The following LINGO2 variants were observed in gnomAD, a reference collection of about 807,000 sequenced individuals.
The protein encoded by LINGO2 is leucine-rich repeat and immunoglobulin-like domain-containing nogo receptor-interacting protein 2.
In LINGO2, 14 loss-of-function variants were observed where a neutral mutation model predicts 30.6. The ratio of observed to expected loss-of-function variants is 0.46; its 90% CI spans 0.30 to 0.72. The LOEUF (loss-of-function observed/expected upper bound fraction) is 0.72, where lower values mean the gene tolerates loss of function less well. LINGO2 is among the 30% of genes least tolerant of loss of function. The pLI is 0.07. For synonymous variants in LINGO2, 317 were observed against 288.5 expected (o/e 1.10, Z -1.00); for missense variants, 729 against 751.7 (o/e 0.97, Z 0.35).
chr9:28,069,892 G>C (rs182998085), intron 4 of LINGO2, among the ~76,000 whole-genome samples: 3 of 152,348 alleles, frequency 2.0e-5, no homozygotes, highest in East Asian at 3.9e-4. Flanking sequence ...CATGTGGAAA[G>C]TGAAAGCTCT....
intron 4 of LINGO2, among the ~76,000 whole-genome samples, chr9:28,249,923 T>G (rs1311601316): frequency 1.3e-5 from 2 of 152,164 alleles, no homozygotes; most frequent in East Asian, 1.9e-4. Flanking sequence ...ACAATTATCT[T>G]AAGTTTTCAA....
At chr9:28,090,278 C>T (rs1270698549) in intron 4 of LINGO2, among the ~76,000 whole-genome samples, 1 of 152,098 alleles carries the variant, frequency 6.6e-6, no homozygotes, top group African/African-American at 2.4e-5. Flanking sequence ...AATTTCAGAC[C>T]AATATCCTTG....
At chr9:28,234,051 C>A (rs1008398180) in intron 4 of LINGO2, among the ~76,000 whole-genome samples, 1 of 152,130 alleles carries the variant, frequency 6.6e-6, no homozygotes, top group African/African-American at 2.4e-5. Flanking sequence ...TTGAGAAAAA[C>A]AGAGTGAAAA....
chr9:29,080,707 T>C, the LINGO2 span, among the ~76,000 whole-genome samples: 4 of 152,126 alleles, frequency 2.6e-5, no homozygotes, highest in Non-Finnish European at 4.4e-5. Flanking sequence ...ATGTACCCAG[T>C]AGTCATTCAG....
At chr9:28,981,618 G>C in the LINGO2 span, among the ~76,000 whole-genome samples, 11 of 152,206 alleles carry the variant, frequency 7.2e-5, no homozygotes, top group South Asian at 8.3e-4. Context: ...TGGCAGGTAT[G>C]TGGTGGTGAT....
chr9:28,774,351 C>T, the LINGO2 span, among the ~76,000 whole-genome samples: 20 of 152,246 alleles, frequency 1.3e-4, no homozygotes, highest in South Asian at 3.9e-3. Flanking sequence ...ACATGTTTTG[C>T]ATTTTTTGTT....
At chr9:28,175,842 T>C (rs1341445294) in intron 4 of LINGO2, among the ~76,000 whole-genome samples, 1 of 152,228 alleles carries the variant, frequency 6.6e-6, no homozygotes, top group Non-Finnish European at 1.5e-5. Context: ...GTATCAACTG[T>C]ATGAGCTCCA....
chr9:28,390,267 TA>T (rs1286585790), intron 2 of LINGO2, among the ~76,000 whole-genome samples: 1 of 152,190 alleles, frequency 6.6e-6, no homozygotes, highest in Non-Finnish European at 1.5e-5. Flanking sequence ...ACTACAAAAT[TA>T]AACTATTTCT....
the LINGO2 span, among the ~76,000 whole-genome samples, chr9:29,080,796 G>A: frequency 6.3e-3 from 966 of 152,212 alleles, 14 homozygotes; most frequent in African/African-American, 0.022. Context: ...TGATCGCACT[G>A]TGGTCTGAGA....
At chr9:28,540,574 C>A (rs1465118217) in intron 1 of LINGO2, among the ~76,000 whole-genome samples, 1 of 152,118 alleles carries the variant, frequency 6.6e-6, no homozygotes, top group Non-Finnish European at 1.5e-5. Context: ...TTTTTCAGTT[C>A]TCTTTTGCAT....
At chr9:28,056,021 G>GT (rs1373426446) in intron 4 of LINGO2, among the ~76,000 whole-genome samples, 2 of 152,072 alleles carry the variant, frequency 1.3e-5, no homozygotes, top group African/African-American at 4.8e-5. Flanking sequence ...ACATAGAAAT[G>GT]AAAACTTAAG....
At chr9:28,263,734 A>G (rs774426744) in intron 4 of LINGO2, among the ~76,000 whole-genome samples, 18 of 151,990 alleles carry the variant, frequency 1.2e-4, no homozygotes, top group Non-Finnish European at 2.2e-4. Context: ...CTGGTTTGCA[A>G]TGAAACCTGG....
At chr9:28,415,705 A>G (rs1274509337) in intron 2 of LINGO2, among the ~76,000 whole-genome samples, 1 of 152,164 alleles carries the variant, frequency 6.6e-6, no homozygotes, top group Non-Finnish European at 1.5e-5. Context: ...TTTCTATAAC[A>G]GCACCTTAGT....
At chr9:28,623,115 C>T (rs1344860796) in intron 1 of LINGO2, among the ~76,000 whole-genome samples, 1 of 151,858 alleles carries the variant, frequency 6.6e-6, no homozygotes, top group African/African-American at 2.4e-5. Context: ...GCGTAGTTTG[C>T]AAATATTTTA....
intron 5 of LINGO2, among the ~76,000 whole-genome samples, chr9:27,980,271 C>G (rs928025195): frequency 6.6e-6 from 1 of 151,892 alleles, no homozygotes; most frequent in Non-Finnish European, 1.5e-5. Context: ...CCTTTCTATG[C>G]CATTTATTCA....
At chr9:29,078,977 G>A in the LINGO2 span, among the ~76,000 whole-genome samples, 1 of 152,012 alleles carries the variant, frequency 6.6e-6, no homozygotes, top group East Asian at 1.9e-4. Context: ...CACCTATGAA[G>A]TAGGAAGCAT....
chr9:28,229,160 G>T (rs1821271399), intron 4 of LINGO2, among the ~76,000 whole-genome samples: 1 of 151,588 alleles, frequency 6.6e-6, no homozygotes, highest in Admixed American at 6.6e-5. Context: ...TATTTACAAA[G>T]AAAAGGATGG....
chr9:28,413,895 G>A (rs1822870025), intron 2 of LINGO2, among the ~76,000 whole-genome samples: 1 of 152,032 alleles, frequency 6.6e-6, no homozygotes, highest in African/African-American at 2.4e-5. Flanking sequence ...GCTTTGAAGA[G>A]AGGCTGTAAA....
intron 1 of LINGO2, among the ~76,000 whole-genome samples, chr9:28,532,172 A>G (rs929340985): frequency 3.3e-5 from 5 of 152,056 alleles, no homozygotes; most frequent in African/African-American, 9.7e-5. Flanking sequence ...TTCTGCCTCT[A>G]TTTTCTCATC....
Sources: gnomAD v4.1 joint callset for allele counts (sites outside exome capture counted in the v4.1 genomes callset) on GRCh38, gnomAD v4.1.1 for gene constraint, MANE v1.5 for transcripts, NCBI Gene and HGNC (gene_info 2026-07-23, HGNC 2026-07-21) for gene names.